DNAJC24: variants seen among roughly 807,000 people sequenced by gnomAD.
DNAJC24 encodes DnaJ heat shock protein family (Hsp40) member C24.
In DNAJC24, 17 loss-of-function variants were observed where a neutral mutation model predicts 18.0. That is an observed-to-expected ratio of 0.94 (90% CI 0.65 to 1.42). The LOEUF is 1.42. DNAJC24 is among the 40% of genes most tolerant of loss of function. The pLI is 0.00. For missense variants in DNAJC24, 158 were observed against 175.6 expected, an observed-to-expected ratio of 0.90 and a Z score of 0.57; for synonymous variants, 55 against 57.7, an observed-to-expected ratio of 0.95 and a Z score of 0.21.
chr11:31,432,214 TACCTATAAGAA>T lies in DNAJC24; in HGVS notation c.*1814_*1824del. On this transcript the variant is annotated 3_prime_UTR_variant, in exon 5 of 5. Transcript: ENST00000465995. ...TAAGAAGAATAGATTAGTTTCATTATACCTATAAGAACAAGAATTCAAAAGTGAGGTAGTCA... is the reference window on the plus strand; with the variant it reads ...TAAGAAGAATAGATTAGTTTCATTATCAAGAATTCAAAAGTGAGGTAGTCA... Among the ~76,000 whole-genome samples, 1 of 152,224 alleles carries T rather than the reference TACCTATAAGAA, an allele frequency of 6.6e-6. No individual in the cohort carries two copies. Among genetic ancestry groups the T allele is most frequent in the Middle Eastern group, 3.2e-3 (1 of 316 alleles).
chr11:31,397,871 C>G (rs1422437371), intron 2 of DNAJC24, among the ~76,000 whole-genome samples: 5 of 151,270 alleles, frequency 3.3e-5, no homozygotes, highest in African/African-American at 1.2e-4. Context: ...GGTGCGATCT[C>G]AGCTCACTGC....
intron 2 of DNAJC24, among the ~76,000 whole-genome samples, chr11:31,403,204 A>G (rs3979424): frequency 0.29 from 43,783 of 150,908 alleles, 7,106 homozygotes; most frequent in Non-Finnish European, 0.35. Flanking sequence ...ATGCTCTTCT[A>G]GTTGTGTTAC....
At chr11:31,387,220 C>T (rs963313725) in intron 2 of DNAJC24, among the ~76,000 whole-genome samples, 1 of 152,166 alleles carries the variant, frequency 6.6e-6, no homozygotes, top group African/African-American at 2.4e-5. Context: ...TCAACACCTG[C>T]TAATTATAGA....
intron 2 of DNAJC24, among the ~76,000 whole-genome samples, chr11:31,383,154 C>T (rs1289372010): frequency 1.3e-5 from 2 of 151,986 alleles, no homozygotes; most frequent in Admixed American, 6.6e-5. Context: ...GTACTCCATC[C>T]GTTTTAATGA....
chr11:31,414,966 A>C lies in DNAJC24; in HGVS notation c.250+17A>C, dbSNP rs1180238576. 5.6e-6 allele frequency: 9 copies of C among 1,610,344 alleles called. No homozygotes were observed. The highest frequency in any genetic ancestry group is 7.6e-6 in the Non-Finnish European group (9 of 1,178,756). ...AGCGGTGTGGTAGGTGCTTGTGTTG[A>C]GGAGCCACAGCACATCGGCAACTCT... On this transcript the variant is annotated intron_variant, in intron 3 of 4. Transcript: ENST00000465995.
In DNAJC24 at chr11:31,391,258, G is replaced by A. The variant is rs576214184; in HGVS notation, c.111+20399G>A. ...CACAGCTAGTATTATATTGAATAGG[G>A]AAAAACTGAAAGGCTTTCCTCTAAG... On this transcript the variant is annotated intron_variant, in intron 2 of 4. Coordinates refer to ENST00000465995, the MANE Select transcript of DNAJC24 (RefSeq NM_181706.5). Among the ~76,000 whole-genome samples the A allele has an allele frequency of 3.3e-5, 5 of 152,224 alleles. No homozygotes were observed. The South Asian group carries it at 1.0e-3, about 32-fold the overall frequency.
chr11:31,381,766 G>A (rs945423688), intron 2 of DNAJC24, among the ~76,000 whole-genome samples: 2 of 151,732 alleles, frequency 1.3e-5, no homozygotes, highest in Admixed American at 6.6e-5. Flanking sequence ...TAGTAGAGAC[G>A]GGGTTTCACC....
rs1232369059 is a variant in DNAJC24 at position 31,409,880 on chromosome 11, TTC to T, written c.112-4929_112-4928del. ...CACTTGGTGTTATCAGCATTTTTTT[TTC>T]TTTTTCTTTTTTTTTTTTTTGAGAC... is the stretch of plus-strand genomic sequence containing the variant. On this transcript the variant is annotated intron_variant, in intron 2 of 4. Coordinates refer to ENST00000465995, the MANE Select transcript of DNAJC24 (RefSeq NM_181706.5). Among the ~76,000 whole-genome samples, 7 of 147,382 alleles carry T rather than the reference TTC, an allele frequency of 4.7e-5. No homozygotes were observed. In the East Asian group the frequency reaches 9.7e-4, roughly 20 times the overall value.
At chr11:31,426,808 ATTTT>A (rs34295574) in intron 4 of DNAJC24, 5 of 132,642 alleles carry the variant, frequency 3.8e-5, no homozygotes, top group African/African-American at 5.6e-5. Flanking sequence ...AAGAGGCTTG[ATTTT>A]TTTTTTTTTT....
At chr11:31,417,569 C>T (rs1179160034) in intron 3 of DNAJC24, among the ~76,000 whole-genome samples, 2 of 151,978 alleles carry the variant, frequency 1.3e-5, no homozygotes. Flanking sequence ...CCCCTGGGGA[C>T]ATGGAAATAG....
intron 2 of DNAJC24, among the ~76,000 whole-genome samples, chr11:31,376,003 G>C (rs1202324678): frequency 9.5e-6 from 1 of 105,338 alleles, no homozygotes; most frequent in Non-Finnish European, 2.4e-5. Flanking sequence ...AGCTCTCATA[G>C]TTCCCATGTG....
In DNAJC24 at chr11:31,432,336, T is replaced by G. The variant is rs1011144487; in HGVS notation, c.*1935T>G. Reference sequence around the variant, plus strand: ...ACATTTTTATCCATATATTTTGAACTAACAGAACTTGGCAGAATGTGTGTT... The same window carrying G: ...ACATTTTTATCCATATATTTTGAACGAACAGAACTTGGCAGAATGTGTGTT... On this transcript the variant is annotated 3_prime_UTR_variant, in exon 5 of 5. Transcript: ENST00000465995. The G allele has an allele frequency of 5.6e-6, 3 of 533,678 alleles. No individual in the cohort carries two copies. The highest frequency in any genetic ancestry group is 3.9e-5 in the African/African-American group (2 of 51,842). 33.1% of individuals were successfully genotyped at this position (533,678 alleles called of 1,614,324 possible). A position where few individuals can be genotyped will look rare whatever the true frequency, so the allele number is the denominator to read the frequency against.
At chr11:31,413,958 G>C (rs1952732656) in intron 2 of DNAJC24, among the ~76,000 whole-genome samples, 1 of 152,140 alleles carries the variant, frequency 6.6e-6, no homozygotes, top group African/African-American at 2.4e-5. Flanking sequence ...GAGAATCACA[G>C]AGAACATAGA....
At chr11:31,384,814 T>C (rs1425415711) in intron 2 of DNAJC24, 2 of 152,172 alleles carry the variant, frequency 1.3e-5, no homozygotes, top group African/African-American at 4.8e-5. Flanking sequence ...TCTGAAGATA[T>C]GTTTTTGAGA....
At chr11:31,424,471 A>T (rs1014903635) in intron 3 of DNAJC24, among the ~76,000 whole-genome samples, 1 of 152,204 alleles carries the variant, frequency 6.6e-6, no homozygotes, top group Non-Finnish European at 1.5e-5. Flanking sequence ...GTCCCCACTC[A>T]TGAAAATTTT....
intron 2 of DNAJC24, among the ~76,000 whole-genome samples, chr11:31,387,389 G>A (rs1242157439): frequency 6.6e-6 from 1 of 152,126 alleles, no homozygotes; most frequent in Non-Finnish European, 1.5e-5. Context: ...CCAGCTCCAG[G>A]CAGCTTAGCA....
At chr11:31,420,828 T>C (rs1952797026) in intron 3 of DNAJC24, among the ~76,000 whole-genome samples, 1 of 152,144 alleles carries the variant, frequency 6.6e-6, no homozygotes, top group African/African-American at 2.4e-5. Context: ...TAGTTCCAGA[T>C]AGTCACGTAC....
At chr11:31,414,751 A>G in intron 2 of DNAJC24, 60 bp from the exon 3 acceptor site, 1 of 1,504,062 alleles carries the variant, frequency 6.6e-7, no homozygotes. Flanking sequence ...CAATTTTTTT[A>G]AATCTAACCC....
chr11:31,378,735 A>C lies in DNAJC24; in HGVS notation c.111+7876A>C, dbSNP rs890196487. 2.0e-5 allele frequency among the ~76,000 whole-genome samples: 3 copies of C among 152,276 alleles called. No individual in the cohort carries two copies. In the East Asian group the frequency reaches 5.8e-4, roughly 29 times the overall value. On this transcript the variant is annotated intron_variant, in intron 2 of 4. Coordinates refer to ENST00000465995, the MANE Select transcript of DNAJC24 (RefSeq NM_181706.5). The stretch of plus-strand genomic sequence containing the variant: ...AGAGAAAAGGTATTATTTATGTTAA[A>C]GGTACAGACTAGTGAAAAGTTAAGC...
Sources: gnomAD v4.1 joint callset for allele counts (sites outside exome capture counted in the v4.1 genomes callset) on GRCh38, gnomAD v4.1.1 for gene constraint, MANE v1.5 for transcripts, NCBI Gene and HGNC (gene_info 2026-07-23, HGNC 2026-07-21) for gene names.